PLCH2: variants seen among roughly 807,000 people sequenced by gnomAD.
The protein encoded by PLCH2 is phospholipase C eta 2, also known as 1-phosphatidylinositol 4,5-bisphosphate phosphodiesterase eta-2.
PLCH2 carries 98 observed loss-of-function variants against 134.7 expected under a neutral mutation model. The ratio of observed to expected loss-of-function variants is 0.73; its 90% CI spans 0.62 to 0.86. The LOEUF is 0.86. Among genes scored for constraint, PLCH2 ranks in the 40% least tolerant of loss-of-function variants. PLCH2 has a pLI of 0.00. For synonymous variants in PLCH2, 974 were observed against 827.5 expected, an observed-to-expected ratio of 1.18 and a Z score of -3.04; for missense variants, 1,994 against 1,986.6, an observed-to-expected ratio of 1.00 and a Z score of -0.07.
At chr1:2,500,619 C>T (rs1643166788) in intron 20 of PLCH2, 1 of 152,314 alleles carries the variant, frequency 6.6e-6, no homozygotes, top group African/African-American at 2.4e-5. Context: ...AGGCCGCACC[C>T]CATTAGCATC....
upstream of PLCH2, among the ~76,000 whole-genome samples, chr1:2,466,134 T>C (rs1486777857): frequency 6.6e-6 from 1 of 152,100 alleles, no homozygotes; most frequent in Non-Finnish European, 1.5e-5. Context: ...CAGCCCCCAT[T>C]GTGGCCTGGC....
chr1:2,503,994 C>T lies in PLCH2; in HGVS notation c.3032C>T (p.Ala1011Val). The T allele has an allele frequency of 6.6e-7, 1 of 1,525,086 alleles. No individual in the cohort carries two copies. Among genetic ancestry groups the T allele is most frequent in the Non-Finnish European group, 8.9e-7 (1 of 1,124,662 alleles). 94.5% of individuals were successfully genotyped at this position (1,525,086 alleles called of 1,614,324 possible). A position where few individuals can be genotyped will look rare whatever the true frequency, so the allele number is the denominator to read the frequency against. The change falls in exon 22 of 22, where the codon GCC becomes GTC. Residue 1011 changes from alanine (A) to valine (V), a missense_variant. Ala to Val is a moderately conservative substitution (Grantham distance 64). This residue lies in a region of PLCH2 where 900 missense variants were observed against 752.3 expected (regional missense o/e 1.20). Transcript: ENST00000378486. Reference sequence around the variant, plus strand: ...CTGGAAACCATCGCTGAGGAGCCCGCCCCAGGCCCTGGTCCCCCGCCACCA... The same window carrying T: ...CTGGAAACCATCGCTGAGGAGCCCGTCCCAGGCCCTGGTCCCCCGCCACCA... The part of the protein sequence containing the change: ...CSLETIAEEP[A>V]PGPGPPPPAA...
rs1413924841 is a variant in PLCH2 at position 2,487,317 on chromosome 1, C to T, written c.1055C>T (p.Ser352Phe). The change falls in exon 7 of 22, where the codon TCC becomes TTC. Residue 352 changes from serine (S) to phenylalanine (F), a missense_variant. Physicochemically the swap from Ser to Phe is radical, Grantham distance 155. Around this residue, in one of 2 missense-constraint regions of PLCH2, gnomAD observed 1,094 missense variants for 1,234.3 expected, o/e 0.89. Coordinates refer to ENST00000378486, the MANE Select transcript of PLCH2 (RefSeq NM_014638.4). ...NTYLVGDQLM[S>F]QSRVDMYAWV... ...TACCTCGTGGGTGACCAGCTCATGT[C>T]CCAGTCACGGGTGGACATGTATGCT... 3.7e-6 allele frequency: 6 copies of T among 1,613,890 alleles called. No homozygotes were observed. Among genetic ancestry groups the T allele is most frequent in the South Asian group, 1.1e-5 (1 of 91,076 alleles).
intron 2 of PLCH2, among the ~76,000 whole-genome samples, chr1:2,457,754 A>C (rs1640565250): frequency 6.6e-6 from 1 of 151,860 alleles, no homozygotes; most frequent in South Asian, 2.1e-4. Context: ...CCTGGTACCC[A>C]CAGCCTCGTG....
In PLCH2 at chr1:2,487,709, T is replaced by A. The variant is rs765671872; in HGVS notation, c.1226T>A (p.Ile409Asn). The A allele has an allele frequency of 6.2e-7, 1 of 1,613,186 alleles. No homozygotes were observed. The highest frequency in any genetic ancestry group is 1.7e-5 in the Admixed American group (1 of 59,980). The change falls in exon 8 of 22, where the codon ATC becomes AAC. Residue 409 changes from isoleucine to asparagine, a missense_variant. Physicochemically the swap from Ile to Asn is moderately radical, Grantham distance 149 (BLOSUM62 -3). Coordinates refer to ENST00000378486, the MANE Select transcript of PLCH2 (RefSeq NM_014638.4). Reference sequence around the variant, plus strand: ...GAAACCATCAACAAATATGCCTTCATCAAGAATGAGTGAGTGGCTGGGCCT... The same window carrying A: ...GAAACCATCAACAAATATGCCTTCAACAAGAATGAGTGAGTGGCTGGGCCT... ...VIETINKYAFIKNEYPVILSI... is the reference protein window; with the variant it reads ...VIETINKYAFNKNEYPVILSI...
chr1:2,504,874 C>A lies in PLCH2; in HGVS notation c.3912C>A (p.Arg1304=). 1 of 1,593,494 alleles carries A rather than the reference C, an allele frequency of 6.3e-7. No individual in the cohort carries two copies. The highest frequency in any genetic ancestry group is 8.5e-7 in the Non-Finnish European group (1 of 1,169,624). ...VRRDTLTEQL[R]WLTVFQQAGD... ...GGGACACCCTGACAGAGCAGCTGCG[C>A]TGGCTCACTGTCTTCCAGCAGGCAG... The change falls in exon 22 of 22, where the codon CGC becomes CGA. Residue 1304 remains arginine (R), a synonymous_variant. Coordinates refer to ENST00000378486, the MANE Select transcript of PLCH2 (RefSeq NM_014638.4).
At chr1:2,445,726 C>T (rs1044207108) in intron 2 of PLCH2, among the ~76,000 whole-genome samples, 3 of 152,154 alleles carry the variant, frequency 2.0e-5, no homozygotes, top group Non-Finnish European at 4.4e-5. Flanking sequence ...GCCCGGTTCC[C>T]GAGGCCCTCA....
upstream of PLCH2, among the ~76,000 whole-genome samples, chr1:2,463,058 C>T (rs774435396): frequency 2.0e-5 from 3 of 152,210 alleles, no homozygotes; most frequent in Non-Finnish European, 4.4e-5. Context: ...CTGTCAGCAC[C>T]GTCTCGTCAT....
At chr1:2,419,403 C>T in the PLCH2 span, among the ~76,000 whole-genome samples, 9 of 152,166 alleles carry the variant, frequency 5.9e-5, no homozygotes, top group Non-Finnish European at 1.0e-4. Context: ...TGTGAAGAGA[C>T]AATAATTGTC....
At chr1:2,500,317 A>G (rs1017969756) in intron 20 of PLCH2, 2 of 158,982 alleles carry the variant, frequency 1.3e-5, no homozygotes, top group Non-Finnish European at 2.8e-5. Context: ...GGGAACCCGC[A>G]CACACAGCAG....
At chr1:2,457,057 C>T (rs1430825763) in intron 2 of PLCH2, among the ~76,000 whole-genome samples, 3 of 152,256 alleles carry the variant, frequency 2.0e-5, no homozygotes, top group Non-Finnish European at 4.4e-5. Flanking sequence ...CCCGGGGCTC[C>T]AGTCCTCAGG....
chr1:2,436,474 C>T (rs866202060), intron 2 of PLCH2, among the ~76,000 whole-genome samples: 8 of 43,562 alleles, frequency 1.8e-4, no homozygotes, highest in Admixed American at 2.4e-4. Flanking sequence ...TTTCCTCCTT[C>T]CTCCCTCCTC....
At position 2,439,448 on chromosome 1, in the gene PLCH2, C is replaced by T. The variant is rs1487848577; in HGVS notation, c.115+8819C>T. On this transcript the variant is annotated intron_variant, in intron 2 of 3. Transcript: ENST00000609981. The surrounding 1 kb of genome is among the most constrained non-coding windows in gnomAD (Gnocchi z 4.7). ...GGCAGCTGATCCCATCCCACCCGTTCGTTGTCTTGAGTTCTGATTGAGAAC... is the reference window on the plus strand; with the variant it reads ...GGCAGCTGATCCCATCCCACCCGTTTGTTGTCTTGAGTTCTGATTGAGAAC... Among the ~76,000 whole-genome samples the T allele has an allele frequency of 2.0e-5, 3 of 152,176 alleles. No individual in the cohort carries two copies. The highest frequency in any genetic ancestry group is 2.4e-5 in the African/African-American group (1 of 41,430).
intron 11 of PLCH2, 112 bp from the exon 12 acceptor site, chr1:2,494,744 C>A: frequency 1.8e-6 from 1 of 542,070 alleles, no homozygotes; most frequent in Non-Finnish European, 3.5e-6. Flanking sequence ...CCAGACCTGG[C>A]TCAAGCCCAC....
chr1:2,451,574 A>G (rs1446091420), intron 2 of PLCH2, among the ~76,000 whole-genome samples: 1 of 152,046 alleles, frequency 6.6e-6, no homozygotes, highest in Non-Finnish European at 1.5e-5. Context: ...AACATGTCCT[A>G]TCACCGTGGA....
intron 2 of PLCH2, among the ~76,000 whole-genome samples, chr1:2,436,486 CCTCCT>C (rs1639407550): frequency 1.3e-4 from 5 of 37,132 alleles, no homozygotes; most frequent in Non-Finnish European, 1.7e-4. Flanking sequence ...TCCCTCCTCC[CCTCCT>C]CCCTCCTCCT....
At chr1:2,453,022 C>T (rs185084171) in intron 2 of PLCH2, among the ~76,000 whole-genome samples, 32 of 152,234 alleles carry the variant, frequency 2.1e-4, no homozygotes, top group South Asian at 1.2e-3. Context: ...AGTCCTGGCT[C>T]ACCCCGCCCT....
Position 2,487,676 on chromosome 1 carries a change from A to G in PLCH2, c.1193A>G (p.Asp398Gly). 1.2e-6 allele frequency: 2 copies of G among 1,613,522 alleles called. No individual in the cohort carries two copies. Among genetic ancestry groups the G allele is most frequent in the South Asian group, 2.2e-5 (2 of 91,082 alleles). The stretch of plus-strand genomic sequence containing the variant: ...CTGACTTCCAAGATCCTCTTCAAAG[A>G]CGTCATTGAAACCATCAACAAATAT... Reference protein sequence around the residue: ...YTLTSKILFKDVIETINKYAF... With the variant: ...YTLTSKILFKGVIETINKYAF... The change falls in exon 8 of 22, where the codon GAC becomes GGC. Residue 398 changes from aspartate (D) to glycine (G), a missense_variant. This residue lies in a region of PLCH2 where 1,094 missense variants were observed against 1,234.3 expected (regional missense o/e 0.89). Coordinates refer to ENST00000378486, the MANE Select transcript of PLCH2 (RefSeq NM_014638.4).
At chr1:2,488,494 C>T (rs369745554) in intron 8 of PLCH2, among the ~76,000 whole-genome samples, 36 of 152,344 alleles carry the variant, frequency 2.4e-4, no homozygotes, top group African/African-American at 6.7e-4. Flanking sequence ...TGAGCCCCTG[C>T]GCCCTGCCTG....
Sources: allele counts gnomAD v4.1 joint callset (sites outside exome capture counted in the v4.1 genomes callset), GRCh38; gene constraint gnomAD v4.1.1; regional missense constraint gnomAD v4.1.1; non-coding constraint Gnocchi (gnomAD v3.1); transcripts MANE v1.5; gene names NCBI Gene and HGNC (gene_info 2026-07-23, HGNC 2026-07-21).